Variants in ANK3 observed in about 807,000 individuals in gnomAD.
ANK3 encodes the protein ankyrin-3.
A neutral mutation model predicts 370.9 loss-of-function variants in ANK3; 57 were observed. The observed-to-expected ratio is 0.15, with a 90% CI of 0.12 to 0.19. The LOEUF (loss-of-function observed/expected upper bound fraction) is 0.19. ANK3 is among the 10% of genes least tolerant of loss of function. ANK3 has a pLI of 1.00. For synonymous variants in ANK3, 1,929 were observed against 1,946.3 expected, an observed-to-expected ratio of 0.99 and a Z score of 0.23; for missense variants, 4,439 against 5,302.1, an observed-to-expected ratio of 0.84 and a Z score of 5.06.
intron 17 of ANK3, among the ~76,000 whole-genome samples, chr10:60,182,648 G>T (rs1471167041): frequency 6.6e-6 from 1 of 152,140 alleles, no homozygotes; most frequent in Non-Finnish European, 1.5e-5. Context: ...GTAATCAAAG[G>T]CAGTTTCAGG....
intron 10 of ANK3, 66 bp downstream of exon 10, chr10:60,207,970 C>G: frequency 7.2e-7 from 1 of 1,385,902 alleles, no homozygotes; most frequent in Non-Finnish European, 1.0e-6. Context: ...GCATTCCCTT[C>G]ACATACAGAG....
chr10:60,615,745 CA>C (rs1176440990), intron 1 of ANK3, among the ~76,000 whole-genome samples: 1 of 151,970 alleles, frequency 6.6e-6, no homozygotes, highest in Non-Finnish European at 1.5e-5. Flanking sequence ...CTTGTAAAGC[CA>C]AAAGTCTGAT....
At chr10:60,138,152 G>T (rs2094433550) in intron 24 of ANK3, among the ~76,000 whole-genome samples, 3 of 152,158 alleles carry the variant, frequency 2.0e-5, no homozygotes, top group Admixed American at 2.0e-4. Context: ...TTTGTGGGAA[G>T]TGCCATTTAC....
intron 1 of ANK3, among the ~76,000 whole-genome samples, chr10:60,327,345 G>GGTTAAT (rs1440515195): frequency 2.0e-5 from 3 of 152,180 alleles, no homozygotes; most frequent in African/African-American, 4.8e-5. Flanking sequence ...CTTAGGTTAA[G>GGTTAAT]ATAGCAAGCT....
chr10:60,595,716 C>T (rs2077979252), intron 2 of ANK3, among the ~76,000 whole-genome samples: 1 of 152,076 alleles, frequency 6.6e-6, no homozygotes, highest in African/African-American at 2.4e-5. Flanking sequence ...GAACTGTTAT[C>T]TTTGTTTCAA....
intron 28 of ANK3, among the ~76,000 whole-genome samples, chr10:60,088,909 T>C (rs1031685100): frequency 1.3e-5 from 2 of 152,216 alleles, no homozygotes; most frequent in African/African-American, 4.8e-5. Flanking sequence ...AACTGACATT[T>C]TGCCACCTGT....
At chr10:60,675,634 T>C (rs191041381) in intron 1 of ANK3, among the ~76,000 whole-genome samples, 4 of 152,230 alleles carry the variant, frequency 2.6e-5, no homozygotes, top group African/African-American at 9.7e-5. Flanking sequence ...AAGTAACATA[T>C]ACTAAATTTG....
At chr10:60,056,367 CCTGAGGCAGG>C (rs2079171194) in intron 41 of ANK3, among the ~76,000 whole-genome samples, 7 of 86,312 alleles carry the variant, frequency 8.1e-5, no homozygotes, top group Admixed American at 7.6e-4. Context: ...TACTCAGGAA[CCTGAGGCAGG>C]AGGATTGCTT....
intron 2 of ANK3, among the ~76,000 whole-genome samples, chr10:60,469,992 A>G (rs1261496097): frequency 6.6e-6 from 1 of 152,040 alleles, no homozygotes; most frequent in South Asian, 2.1e-4. Flanking sequence ...GTGTAATTTC[A>G]TTCCCCAACT....
intron 2 of ANK3, among the ~76,000 whole-genome samples, chr10:60,440,976 G>C (rs1478096616): frequency 3.3e-5 from 5 of 152,186 alleles, no homozygotes; most frequent in Non-Finnish European, 5.9e-5. Flanking sequence ...TGGGACTTCT[G>C]AATGGCACTC....
chr10:60,225,187 A>G (rs1235118920), intron 8 of ANK3, among the ~76,000 whole-genome samples: 1 of 152,206 alleles, frequency 6.6e-6, no homozygotes, highest in Non-Finnish European at 1.5e-5. Flanking sequence ...TGCTAGGATT[A>G]CAGGCATGAG....
At chr10:60,474,987 T>C (rs531990075) in intron 2 of ANK3, among the ~76,000 whole-genome samples, 3 of 152,290 alleles carry the variant, frequency 2.0e-5, no homozygotes, top group East Asian at 1.9e-4. Context: ...CTATATAATA[T>C]AAATGTTATC....
chr10:60,242,853 T>C lies in ANK3; in HGVS notation c.799-8067A>G, dbSNP rs76202419. Among the ~76,000 whole-genome samples, 214 of 152,316 alleles carry C rather than the reference T, an allele frequency of 1.4e-3. 1 individual carries two copies. The highest frequency in any genetic ancestry group is 4.8e-3 in the African/African-American group (199 of 41,578). ...TCTTTATTTTACAGATGAGGAAATC[T>C]GTGAAAATCTGAAAAATTTGATTTT... On this transcript the variant is annotated intron_variant, in intron 7 of 43. Coordinates refer to ENST00000280772, the MANE Select transcript of ANK3 (RefSeq NM_020987.5).
At chr10:60,297,653 C>T (rs1026538365) in intron 1 of ANK3, among the ~76,000 whole-genome samples, 97 of 152,094 alleles carry the variant, frequency 6.4e-4, no homozygotes, top group Admixed American at 3.3e-3. Context: ...AGAATGACTT[C>T]GAAAAGATAT....
chr10:60,097,155 G>A (rs1036537458), intron 28 of ANK3, among the ~76,000 whole-genome samples: 2 of 152,208 alleles, frequency 1.3e-5, no homozygotes, highest in Non-Finnish European at 2.9e-5. Flanking sequence ...ATAGGTGTCT[G>A]AAGTTCAGAG....
intron 7 of ANK3, among the ~76,000 whole-genome samples, chr10:60,241,522 T>C (rs1051648661): frequency 6.6e-6 from 1 of 152,104 alleles, no homozygotes; most frequent in African/African-American, 2.4e-5. Flanking sequence ...GGCTAAGTGA[T>C]TTACATGGAG....
chr10:60,487,344 C>T (rs553521356), intron 2 of ANK3, among the ~76,000 whole-genome samples: 41 of 152,090 alleles, frequency 2.7e-4, no homozygotes, highest in Non-Finnish European at 5.0e-4. Context: ...ACAAAGAAAT[C>T]AAATATCTCA....
chr10:60,422,032 A>G (rs538663642), intron 2 of ANK3, among the ~76,000 whole-genome samples: 2 of 152,154 alleles, frequency 1.3e-5, no homozygotes, highest in African/African-American at 2.4e-5. Flanking sequence ...AGTTCAAATC[A>G]GATACTATAG....
At chr10:60,613,886 C>T (rs2078233631) in intron 2 of ANK3, among the ~76,000 whole-genome samples, 1 of 152,150 alleles carries the variant, frequency 6.6e-6, no homozygotes. Flanking sequence ...CCAGCCTGGC[C>T]AACCTGGCGA....
Sources: allele counts gnomAD v4.1 joint callset (sites outside exome capture counted in the v4.1 genomes callset), GRCh38; gene constraint gnomAD v4.1.1; transcripts MANE v1.5; gene names NCBI Gene and HGNC (gene_info 2026-07-23, HGNC 2026-07-21).